Variants in GTF2IRD1 observed in about 807,000 individuals in gnomAD.
The protein encoded by GTF2IRD1 is general transcription factor II-I repeat domain-containing protein 1.
In GTF2IRD1, 26 loss-of-function variants were observed where a neutral mutation model predicts 113.2. That is an observed-to-expected ratio of 0.23 (90% CI 0.17 to 0.32). The LOEUF (loss-of-function observed/expected upper bound fraction) is 0.32. Ranked by LOEUF, GTF2IRD1 falls within the 10% of genes least tolerant of loss-of-function variation. GTF2IRD1 has a pLI of 1.00. For synonymous variants in GTF2IRD1, 484 were observed against 529.1 expected (o/e 0.91, Z 1.17); for missense variants, 864 against 1,280.8 (o/e 0.67, Z 4.97).
intron 17 of GTF2IRD1, among the ~76,000 whole-genome samples, chr7:74,554,939 G>A (rs1284032792): frequency 2.0e-5 from 3 of 152,188 alleles, no homozygotes; most frequent in African/African-American, 7.2e-5. Context: ...GCAGGAGTGA[G>A]ATATCAGATG....
At chr7:74,600,868 G>A in intron 25 of GTF2IRD1, 176 bp from the exon 26 acceptor site, 1 of 646,690 alleles carries the variant, frequency 1.5e-6, no homozygotes, top group South Asian at 2.0e-5. Context: ...CTTTGGGAAG[G>A]AGGCTGGACA....
At chr7:74,471,983 C>T (rs1220983105) in intron 1 of GTF2IRD1, among the ~76,000 whole-genome samples, 1 of 152,136 alleles carries the variant, frequency 6.6e-6, no homozygotes, top group Non-Finnish European at 1.5e-5. Context: ...CAGAATGAGA[C>T]TCTGTCTCAA....
At chr7:74,467,912 C>G (rs1350760534) in intron 1 of GTF2IRD1, among the ~76,000 whole-genome samples, 2 of 152,106 alleles carry the variant, frequency 1.3e-5, no homozygotes, top group Non-Finnish European at 2.9e-5. Context: ...CCAGACTGGT[C>G]TTGAACTCCT....
intron 23 of GTF2IRD1, among the ~76,000 whole-genome samples, chr7:74,590,229 C>T (rs1322031110): frequency 5.3e-5 from 8 of 151,272 alleles, no homozygotes; most frequent in African/African-American, 1.7e-4. Flanking sequence ...TACAAGCATG[C>T]GCCAACACTC....
intron 1 of GTF2IRD1, among the ~76,000 whole-genome samples, chr7:74,473,477 T>C (rs1431806391): frequency 6.6e-6 from 1 of 150,994 alleles, no homozygotes. Context: ...CAAGCTGGAG[T>C]ACAGTGGAAC....
intron 1 of GTF2IRD1, among the ~76,000 whole-genome samples, chr7:74,455,363 C>T (rs1460794529): frequency 3.3e-5 from 5 of 152,188 alleles, no homozygotes; most frequent in Non-Finnish European, 7.4e-5. Flanking sequence ...GTCTAGAAGC[C>T]ACCCTGGCGC....
chr7:74,473,943 G>A (rs549337330), intron 1 of GTF2IRD1, among the ~76,000 whole-genome samples: 7 of 151,994 alleles, frequency 4.6e-5, no homozygotes, highest in Non-Finnish European at 1.0e-4. Context: ...AAAAATTAAG[G>A]CTGGGCGCAG....
intron 17 of GTF2IRD1, among the ~76,000 whole-genome samples, chr7:74,551,035 C>T (rs1168379217): frequency 4.0e-5 from 6 of 151,360 alleles, no homozygotes; most frequent in African/African-American, 1.2e-4. Context: ...AGCAAGACCT[C>T]GTCCCTTTAA....
chr7:74,469,740 G>T (rs1289694255), intron 1 of GTF2IRD1, among the ~76,000 whole-genome samples: 1 of 151,992 alleles, frequency 6.6e-6, no homozygotes, highest in African/African-American at 2.4e-5. Context: ...GTCTTGCTCT[G>T]TCACCCAGGC....
At chr7:74,468,708 G>A (rs1793899551) in intron 1 of GTF2IRD1, among the ~76,000 whole-genome samples, 1 of 118,816 alleles carries the variant, frequency 8.4e-6, no homozygotes, top group Non-Finnish European at 2.0e-5. Context: ...GTGTGTGTGT[G>A]TGTGTGTGTG....
intron 11 of GTF2IRD1, among the ~76,000 whole-genome samples, chr7:74,537,144 T>G (rs1798344709): frequency 6.6e-6 from 1 of 151,818 alleles, no homozygotes; most frequent in African/African-American, 2.4e-5. Flanking sequence ...GCATGATGGC[T>G]CACGCCTGTA....
Position 74,512,400 on chromosome 7 carries a change from G to A in GTF2IRD1, c.124-430G>A, listed in dbSNP as rs957331408. Among the ~76,000 whole-genome samples the A allele has an allele frequency of 6.6e-6, 1 of 152,130 alleles. No homozygotes were observed. Among genetic ancestry groups the A allele is most frequent in the African/African-American group, 2.4e-5 (1 of 41,430 alleles). The stretch of plus-strand genomic sequence containing the variant: ...GGAAACTGGAGCCCAGAGGAGGGAC[G>A]TGACTTGCTCAAGTCCCACAGCAGA... On this transcript the variant is annotated intron_variant, in intron 2 of 26. Transcript: ENST00000424337. The surrounding 1 kb of genome is among the most constrained non-coding windows in gnomAD (Gnocchi z 4.4).
At chr7:74,574,848 G>A (rs1554363955) in intron 22 of GTF2IRD1, among the ~76,000 whole-genome samples, 1 of 151,812 alleles carries the variant, frequency 6.6e-6, no homozygotes, top group Non-Finnish European at 1.5e-5. Context: ...CAGCACTTCG[G>A]GAGGCTGAGG....
chr7:74,518,371 G>A lies in GTF2IRD1; in HGVS notation c.605+49G>A, dbSNP rs201972897. 1.3e-4 allele frequency: 189 copies of A among 1,461,104 alleles called. No individual in the cohort carries two copies. In the African/African-American group the frequency reaches 2.6e-3, roughly 20 times the overall value. 90.5% of individuals were successfully genotyped at this position (1,461,104 alleles called of 1,614,324 possible). A position where few individuals can be genotyped will look rare whatever the true frequency, so the allele number is the denominator to read the frequency against. ...GCTGGGCTGGGGCTGGGCCAGGGCC[G>A]GGTCAGGGCCGGGGGCTGGAGGCCA... On this transcript the variant is annotated intron_variant, in intron 5 of 26. Transcript: ENST00000424337.
At chr7:74,571,564 C>G (rs587638656) in intron 22 of GTF2IRD1, among the ~76,000 whole-genome samples, 1 of 152,320 alleles carries the variant, frequency 6.6e-6, no homozygotes, top group South Asian at 2.1e-4. Context: ...GGAACTATGT[C>G]AAATTACATG....
intron 25 of GTF2IRD1, chr7:74,595,942 G>T (rs1802385765): frequency 6.6e-6 from 1 of 152,238 alleles, no homozygotes; most frequent in Non-Finnish European, 1.5e-5. Flanking sequence ...GGCACCTGGG[G>T]GCCGCCTGGC....
chr7:74,589,912 C>A lies in GTF2IRD1; in HGVS notation c.2382C>A (p.Leu794=). 6.2e-7 allele frequency: 1 copy of A among 1,608,892 alleles called. No homozygotes were observed. Among genetic ancestry groups the A allele is most frequent in the Non-Finnish European group, 8.5e-7 (1 of 1,175,458 alleles). The change falls in exon 23 of 27, where the codon CTC becomes CTA. Residue 794 remains leucine (L), a synonymous_variant. Transcript: ENST00000424337. The part of the protein sequence containing the change: ...KVILREQVKE[L]FNEKYGEALG... ...TCCTGCGGGAGCAGGTGAAGGAACT[C>A]TTCAACGAGAAATACGGTCAGTGCC...
chr7:74,589,471 G>C (rs1226838446), intron 22 of GTF2IRD1, among the ~76,000 whole-genome samples: 2 of 152,134 alleles, frequency 1.3e-5, no homozygotes. Flanking sequence ...GCTGAGGCGG[G>C]TGGATCACCT....
At chr7:74,482,107 G>C (rs571637899) in intron 1 of GTF2IRD1, among the ~76,000 whole-genome samples, 2 of 152,186 alleles carry the variant, frequency 1.3e-5, no homozygotes, top group Admixed American at 1.3e-4. Context: ...GCCTCTAGGC[G>C]GAACTGTACC....
Sources: allele counts gnomAD v4.1 joint callset (sites outside exome capture counted in the v4.1 genomes callset), GRCh38; gene constraint gnomAD v4.1.1; non-coding constraint Gnocchi (gnomAD v3.1); transcripts MANE v1.5; gene names NCBI Gene and HGNC (gene_info 2026-07-23, HGNC 2026-07-21).